FHOD3: variants seen among roughly 807,000 people sequenced by gnomAD.
The protein encoded by FHOD3 is formin homology 2 domain containing 3.
A neutral mutation model predicts 173.0 loss-of-function variants in FHOD3; 90 were observed. The ratio of observed to expected loss-of-function variants is 0.52; its 90% CI spans 0.44 to 0.62. FHOD3 has a LOEUF of 0.62. Among genes scored for constraint, FHOD3 ranks in the 20% least tolerant of loss-of-function variants. The pLI is 0.00. For synonymous variants in FHOD3, 828 were observed against 823.0 expected, an observed-to-expected ratio of 1.01 and a Z score of -0.10; for missense variants, 1,945 against 2,034.7, an observed-to-expected ratio of 0.96 and a Z score of 0.85.
Position 36,579,704 on chromosome 18 carries a change from C to T in FHOD3, c.606+3159C>T, listed in dbSNP as rs2058776150. Reference sequence around the variant, plus strand: ...GCCCTCCAGAAGATACAGCAACAGGCACCATCTTGGATGCAGAGAGACTGG... The same window carrying T: ...GCCCTCCAGAAGATACAGCAACAGGTACCATCTTGGATGCAGAGAGACTGG... On this transcript the variant is annotated intron_variant, in intron 6 of 28. Transcript: ENST00000590592. Among the ~76,000 whole-genome samples, 3 of 152,190 alleles carry T rather than the reference C, an allele frequency of 2.0e-5. No homozygotes were observed. In the South Asian group the frequency reaches 6.2e-4, roughly 32 times the overall value.
chr18:36,383,985 A>G (rs2047909241), intron 3 of FHOD3, among the ~76,000 whole-genome samples: 1 of 152,196 alleles, frequency 6.6e-6, no homozygotes, highest in African/African-American at 2.4e-5. Flanking sequence ...GGCTGATGAG[A>G]GAACTCAGGC....
At chr18:36,509,636 G>A (rs972532440) in intron 4 of FHOD3, among the ~76,000 whole-genome samples, 2 of 152,146 alleles carry the variant, frequency 1.3e-5, no homozygotes, top group African/African-American at 4.8e-5. Flanking sequence ...AATGTGGCAG[G>A]GGAACAGGTA....
intron 3 of FHOD3, among the ~76,000 whole-genome samples, chr18:36,374,035 G>A (rs1318115200): frequency 6.6e-6 from 1 of 152,176 alleles, no homozygotes; most frequent in African/African-American, 2.4e-5. Context: ...AGAAATTTGG[G>A]ACATGAATAT....
At chr18:36,435,079 G>C (rs2050743580) in intron 3 of FHOD3, among the ~76,000 whole-genome samples, 1 of 149,134 alleles carries the variant, frequency 6.7e-6, no homozygotes, top group South Asian at 2.1e-4. Context: ...TGATGGTGAA[G>C]GGCAAAATAA....
At chr18:36,688,857 TC>T (rs1197337213) in intron 16 of FHOD3, among the ~76,000 whole-genome samples, 16 of 152,336 alleles carry the variant, frequency 1.1e-4, no homozygotes, top group Non-Finnish European at 2.4e-4. Context: ...TATTTACTGC[TC>T]TTTTTTGTCC....
chr18:36,442,717 G>A (rs2051223804), intron 3 of FHOD3, among the ~76,000 whole-genome samples: 1 of 152,184 alleles, frequency 6.6e-6, no homozygotes, highest in Non-Finnish European at 1.5e-5. Context: ...AGTACAAGCA[G>A]TAAAGTCAAG....
intron 5 of FHOD3, among the ~76,000 whole-genome samples, chr18:36,547,005 C>T (rs2057437423): frequency 1.3e-5 from 2 of 152,206 alleles, no homozygotes; most frequent in South Asian, 4.1e-4. Context: ...ATTCACACTG[C>T]CTCACAGCGC....
intron 5 of FHOD3, among the ~76,000 whole-genome samples, chr18:36,514,505 G>A (rs1407545240): frequency 6.6e-6 from 1 of 152,032 alleles, no homozygotes; most frequent in Non-Finnish European, 1.5e-5. Flanking sequence ...TTTATTTTCC[G>A]GGTATAATAT....
At chr18:36,639,715 C>G (rs28494676) in intron 10 of FHOD3, among the ~76,000 whole-genome samples, 10,622 of 149,686 alleles carry the variant, frequency 0.071, 656 homozygotes, top group East Asian at 0.22. Flanking sequence ...CCCAGCTACT[C>G]GGGAGGCTGA....
intron 3 of FHOD3, among the ~76,000 whole-genome samples, chr18:36,446,686 G>T (rs184865250): frequency 5.6e-4 from 86 of 152,262 alleles, no homozygotes; most frequent in African/African-American, 1.7e-3. Flanking sequence ...GCACTGGCCA[G>T]TTCATACGCA....
intron 3 of FHOD3, among the ~76,000 whole-genome samples, chr18:36,496,624 G>A (rs1483338354): frequency 6.6e-6 from 1 of 152,174 alleles, no homozygotes; most frequent in East Asian, 1.9e-4. Flanking sequence ...TTATGGAATT[G>A]TCTTTCCAAA....
At position 36,652,879 on chromosome 18, in the gene FHOD3, C is replaced by T; in HGVS notation, c.1596C>T (p.Asp532=). ...PFHLFSYDFE[D]SSLSTKEKEA... The stretch of plus-strand genomic sequence containing the variant: ...ACCTCTTCTCCTATGACTTTGAGGA[C>T]TCCTCCCTGTCCACCAAGGAGAAGG... The change falls in exon 12 of 29, where the codon GAC becomes GAT. Residue 532 remains aspartate (D), a synonymous_variant. Transcript: ENST00000590592. 6.5e-7 allele frequency: 1 copy of T among 1,535,856 alleles called. No homozygotes were observed. The highest frequency in any genetic ancestry group is 8.7e-7 in the Non-Finnish European group (1 of 1,146,656).
chr18:36,526,222 G>A (rs2056503712), intron 5 of FHOD3, among the ~76,000 whole-genome samples: 1 of 152,204 alleles, frequency 6.6e-6, no homozygotes, highest in Non-Finnish European at 1.5e-5. Context: ...AAGTAAAAGT[G>A]GATAGACACA....
chr18:36,600,389 A>G (rs1361898304), intron 7 of FHOD3, among the ~76,000 whole-genome samples: 2 of 152,152 alleles, frequency 1.3e-5, no homozygotes, highest in South Asian at 2.1e-4. Flanking sequence ...GAAATGTGCA[A>G]GTGCTGGTGT....
intron 5 of FHOD3, among the ~76,000 whole-genome samples, chr18:36,541,317 G>A (rs2057210848): frequency 6.6e-6 from 1 of 151,386 alleles, no homozygotes; most frequent in African/African-American, 2.4e-5. Context: ...GGTGCCTCAT[G>A]CCTGTAATCC....
At chr18:36,493,810 C>T (rs1373817016) in intron 3 of FHOD3, among the ~76,000 whole-genome samples, 1 of 152,198 alleles carries the variant, frequency 6.6e-6, no homozygotes, top group African/African-American at 2.4e-5. Context: ...TACTTTGCAG[C>T]AGCCCAGGGG....
chr18:36,396,268 T>C (rs2048551723), intron 3 of FHOD3, among the ~76,000 whole-genome samples: 1 of 152,206 alleles, frequency 6.6e-6, no homozygotes, highest in African/African-American at 2.4e-5. Flanking sequence ...TTATGTGGTT[T>C]CAAATTATAT....
At chr18:36,659,629 G>A (rs922148233) in intron 14 of FHOD3, among the ~76,000 whole-genome samples, 1 of 152,214 alleles carries the variant, frequency 6.6e-6, no homozygotes, top group African/African-American at 2.4e-5. Context: ...CAGTGCCTGG[G>A]GCCTGGCAAT....
intron 2 of FHOD3, among the ~76,000 whole-genome samples, chr18:36,361,526 A>G (rs868261242): frequency 4.6e-5 from 7 of 152,100 alleles, no homozygotes; most frequent in Middle Eastern, 3.4e-3. Flanking sequence ...CTCTACTAAA[A>G]ATACAAAAAA....
Sources: gnomAD v4.1 joint callset for allele counts (sites outside exome capture counted in the v4.1 genomes callset) on GRCh38, gnomAD v4.1.1 for gene constraint, MANE v1.5 for transcripts, NCBI Gene and HGNC (gene_info 2026-07-23, HGNC 2026-07-21) for gene names.